The following SGCA variants were observed in gnomAD, a reference collection of about 807,000 sequenced individuals.
SGCA encodes the protein alpha-sarcoglycan.
In SGCA, 34 loss-of-function variants were observed where a neutral mutation model predicts 38.1. The observed-to-expected ratio is 0.89, with a 90% confidence interval of 0.68 to 1.19. The LOEUF is 1.19. Ranked by LOEUF, SGCA falls within the 50% of genes most tolerant of loss-of-function variation. SGCA has a pLI of 0.00. For synonymous variants in SGCA, 209 were observed against 214.6 expected (o/e 0.97, Z 0.23); for missense variants, 476 against 524.9 (o/e 0.91, Z 0.91).
intron 9 of SGCA, 23 bp downstream of exon 9, chr17:50,175,472 G>A: frequency 6.3e-7 from 1 of 1,595,232 alleles, no homozygotes; most frequent in Non-Finnish European, 8.6e-7. Context: ...GGTGATGCCA[G>A]CCTTATTTCT....
At chr17:50,169,445 A>ACACACACACACACACC (rs369628436) in intron 6 of SGCA, 191 bp downstream of exon 6, 3 of 574,546 alleles carry the variant, frequency 5.2e-6, no homozygotes, top group South Asian at 2.2e-5. Context: ...ACACACACAC[A>ACACACACACACACACC]CCCCTGAAGT....
chr17:50,169,338 T>A (rs1905185711), intron 6 of SGCA, 84 bp downstream of exon 6: 1 of 1,215,960 alleles, frequency 8.2e-7, no homozygotes, highest in East Asian at 2.4e-5. Flanking sequence ...GCTTCCTATC[T>A]CCGTCTCTCT....
At chr17:50,166,212 T>C (rs1297266830) in intron 1 of SGCA, 135 bp downstream of exon 1, 3 of 746,692 alleles carry the variant, frequency 4.0e-6, no homozygotes, top group Non-Finnish European at 7.2e-6. Flanking sequence ...GGCTTTGGGG[T>C]GTTAATGCCA....
Position 50,167,417 on chromosome 17 carries a change from C to T in SGCA, c.87C>T (p.His29=), listed in dbSNP as rs757371081. The change falls in exon 2 of 10, where the codon CAC becomes CAT. Residue 29 remains histidine (H), a synonymous_variant. Coordinates refer to ENST00000262018, the MANE Select transcript of SGCA (RefSeq NM_000023.4). This position sits in a 1 kb window ranked among gnomAD's most constrained non-coding sequence, Gnocchi z 4.5. ...CCGAGGCCCAGCAGACCACGCTACA[C>T]CCACTTGTGGGCCGTGTCTTTGTGC... is the stretch of plus-strand genomic sequence containing the variant. ...GDTEAQQTTL[H]PLVGRVFVHT... is the part of the protein sequence containing the mutation. 1.2e-5 allele frequency: 19 copies of T among 1,614,096 alleles called. No homozygotes were observed. The highest frequency in any genetic ancestry group is 7.7e-5 in the South Asian group (7 of 91,092).
chr17:50,166,216 A>T, intron 1 of SGCA, 139 bp downstream of exon 1: 1 of 732,620 alleles, frequency 1.4e-6, no homozygotes, highest in Non-Finnish European at 2.5e-6. Flanking sequence ...TTGGGGTGTT[A>T]ATGCCATGGC....
At chr17:50,166,777 A>C (rs1904867752) in intron 1 of SGCA, among the ~76,000 whole-genome samples, 1 of 111,362 alleles carries the variant, frequency 9.0e-6, no homozygotes, top group African/African-American at 3.7e-5. Context: ...ACACCCTCAC[A>C]CACCCTCACA....
chr17:50,170,093 T>A, intron 6 of SGCA, 50 bp from the exon 7 acceptor site: 1 of 1,536,922 alleles, frequency 6.5e-7, no homozygotes, highest in Non-Finnish European at 9.0e-7. Flanking sequence ...CCTGGGGACC[T>A]CTGTGTCCAG....
intron 1 of SGCA, among the ~76,000 whole-genome samples, chr17:50,166,778 C>G: frequency 7.5e-6 from 1 of 133,202 alleles, no homozygotes; most frequent in Non-Finnish European, 1.6e-5. Context: ...CACCCTCACA[C>G]ACCCTCACAC....
At chr17:50,169,620 A>G in intron 6 of SGCA, 1 of 337,330 alleles carries the variant, frequency 3.0e-6, no homozygotes, top group Non-Finnish European at 5.5e-6. Context: ...GCTTTTCTGT[A>G]AGGTGCCACC....
At position 50,167,961 on chromosome 17, in the gene SGCA, T is replaced by C. The variant is rs752288242; in HGVS notation, c.327T>C (p.Asn109=). 6.2e-7 allele frequency: 1 copy of C among 1,614,128 alleles called. No homozygotes were observed. The highest frequency in any genetic ancestry group is 1.1e-5 in the South Asian group (1 of 91,088). The change falls in exon 4 of 10, where the codon AAT becomes AAC. Residue 109 remains asparagine, a synonymous_variant. Coordinates refer to ENST00000262018, the MANE Select transcript of SGCA (RefSeq NM_000023.4). This position sits in a 1 kb window ranked among gnomAD's most constrained non-coding sequence, Gnocchi z 4.5. ...CCATCCCCCAGGTCACAGCCTACAATCGGGACAGCTTTGATACCACTCGGC... is the reference window on the plus strand; with the variant it reads ...CCATCCCCCAGGTCACAGCCTACAACCGGGACAGCTTTGATACCACTCGGC... The part of the protein sequence containing the change: ...GLQVIEVTAY[N]RDSFDTTRQR...
Position 50,175,243 on chromosome 17 carries a change from A to T in SGCA, c.984-14A>T, listed in dbSNP as rs907322615. 6.3e-7 allele frequency: 1 copy of T among 1,591,770 alleles called. No individual in the cohort carries two copies. The highest frequency in any genetic ancestry group is 8.5e-7 in the Non-Finnish European group (1 of 1,170,090). Reference sequence around the variant, plus strand: ...TGACTCCCAGAGCTGATGACTCCCCACCTGTGCCTCCAGCATCCAGATGGT... The same window carrying T: ...TGACTCCCAGAGCTGATGACTCCCCTCCTGTGCCTCCAGCATCCAGATGGT... On this transcript the variant is annotated splice_polypyrimidine_tract_variant and intron_variant, in intron 8 of 9. Coordinates refer to ENST00000262018, the MANE Select transcript of SGCA (RefSeq NM_000023.4).
At chr17:50,171,130 T>C (rs1905355256) in intron 8 of SGCA, among the ~76,000 whole-genome samples, 1 of 152,184 alleles carries the variant, frequency 6.6e-6, no homozygotes, top group Admixed American at 6.5e-5. Context: ...GGAAAGGGCT[T>C]GAGAAGCAAC....
At chr17:50,175,102 G>T in intron 8 of SGCA, 155 bp from the exon 9 acceptor site, 3 of 773,134 alleles carry the variant, frequency 3.9e-6, no homozygotes, top group Admixed American at 2.0e-5. Flanking sequence ...CGGCCCCATA[G>T]AGCTTTCTGT....
rs1235014068 is a variant in SGCA, at chr17:50,167,518, G to A, written c.157+31G>A. 6.8e-6 allele frequency: 11 copies of A among 1,613,974 alleles called. No homozygotes were observed. The highest frequency in any genetic ancestry group is 2.2e-5 in the East Asian group (1 of 44,900). ...CGGCCTGACAGGCACCCAGGCGGGC[G>A]GGCTGGGGTGTACCCCGCAGGGCTC... is the stretch of plus-strand genomic sequence containing the variant. On this transcript the variant is annotated intron_variant, in intron 2 of 9. Transcript: ENST00000262018. The surrounding 1 kb of genome is among the most constrained non-coding windows in gnomAD (Gnocchi z 4.5).
In SGCA at chr17:50,168,059, A is replaced by C. The variant is rs752271672; in HGVS notation, c.385+40A>C. The C allele has an allele frequency of 5.1e-6, 8 of 1,558,870 alleles. No individual in the cohort carries two copies. In the East Asian group the frequency reaches 1.8e-4, roughly 35 times the overall value. On this transcript the variant is annotated intron_variant, in intron 4 of 9. Transcript: ENST00000262018. ...GCCCCATCCCTTCCCCACCAATGCC[A>C]GTCTTGGGGAATCTCTCCCGGAGGG...
intron 8 of SGCA, among the ~76,000 whole-genome samples, chr17:50,173,831 A>G (rs1373487238): frequency 1.1e-4 from 16 of 152,182 alleles, no homozygotes; most frequent in Admixed American, 9.2e-4. Context: ...GCCTCCCCGC[A>G]GGAGGAGCAT....
chr17:50,172,466 C>A, intron 8 of SGCA: 1 of 336,182 alleles, frequency 3.0e-6, no homozygotes, highest in Non-Finnish European at 6.0e-6. Context: ...TGTGCACATG[C>A]CTGGGCGGAT....
chr17:50,169,440 CA>C, intron 6 of SGCA, 186 bp downstream of exon 6: 2 of 592,728 alleles, frequency 3.4e-6, no homozygotes, highest in Non-Finnish European at 6.0e-6. Context: ...CACACACACA[CA>C]CACACCCCTG....
rs1905169877 is a variant in SGCA, at chr17:50,169,192, C to T, written c.685C>T (p.Leu229Phe). ...HARCAQGQPP[L>F]LSCYDTLAPH... Reference sequence around the variant, plus strand: ...CCGCTGTGCCCAGGGCCAGCCTCCACTTCTGTCTTGCTACGACACCTTGGC... The same window carrying T: ...CCGCTGTGCCCAGGGCCAGCCTCCATTTCTGTCTTGCTACGACACCTTGGC... Residue 229 changes from leucine to phenylalanine, a missense_variant, in exon 6 of 10, where the codon CTT becomes TTT. Transcript: ENST00000262018. 1 of 1,614,040 alleles carries T rather than the reference C, an allele frequency of 6.2e-7. No homozygotes were observed. Among genetic ancestry groups the T allele is most frequent in the East Asian group, 2.2e-5 (1 of 44,864 alleles).
Sources: allele counts gnomAD v4.1 joint callset (sites outside exome capture counted in the v4.1 genomes callset), GRCh38; gene constraint gnomAD v4.1.1; non-coding constraint Gnocchi (gnomAD v3.1); transcripts MANE v1.5; gene names NCBI Gene and HGNC (gene_info 2026-07-23, HGNC 2026-07-21).